ATP2C1: variants seen among roughly 807,000 people sequenced by gnomAD.
The protein encoded by ATP2C1 is calcium-transporting ATPase type 2C member 1.
Under a neutral mutation model 120.5 loss-of-function variants are expected in ATP2C1, and 31 were observed. That is an observed-to-expected ratio of 0.26 (90% CI 0.19 to 0.35). ATP2C1 has a LOEUF of 0.35. Ranked by LOEUF, ATP2C1 falls within the 10% of genes least tolerant of loss-of-function variation. The pLI is 1.00. For missense variants in ATP2C1, 731 were observed against 1,107.5 expected, an observed-to-expected ratio of 0.66 and a Z score of 4.83; for synonymous variants, 351 against 358.7, an observed-to-expected ratio of 0.98 and a Z score of 0.24.
chr3:130,968,600 C>T (rs749438522), intron 16 of ATP2C1, among the ~76,000 whole-genome samples: 5 of 152,048 alleles, frequency 3.3e-5, no homozygotes, highest in African/African-American at 4.8e-5. Flanking sequence ...TGAAATGAAA[C>T]GTATTTGCAC....
chr3:130,987,755 T>A (rs1280857071), intron 20 of ATP2C1, among the ~76,000 whole-genome samples: 1 of 152,260 alleles, frequency 6.6e-6, no homozygotes, highest in Non-Finnish European at 1.5e-5. Flanking sequence ...TCATATTAAT[T>A]GTGCCCCTCA....
intron 17 of ATP2C1, among the ~76,000 whole-genome samples, chr3:130,973,280 G>C (rs1264539697): frequency 6.6e-6 from 1 of 152,148 alleles, no homozygotes; most frequent in African/African-American, 2.4e-5. Context: ...GCAGAGTGGG[G>C]TGAGGGATAA....
Position 130,979,277 on chromosome 3 carries a change from G to A in ATP2C1, c.1599G>A (p.Leu533=). The change falls in exon 19 of 28, where the codon CTG becomes CTA. Residue 533 remains leucine (L), a synonymous_variant. Transcript: ENST00000510168. ...RVLALASGPE[L]GQLTFLGLVG... ...TTGCTTTGGCTTCTGGTCCTGAACT[G>A]GGACAGCTGACATTTCTTGGCTTGG... 1 of 1,613,550 alleles carries A rather than the reference G, an allele frequency of 6.2e-7. No homozygotes were observed.
rs80130362 is a variant in ATP2C1 at position 130,936,382 on chromosome 3, C to T, written c.325-1046C>T. ...AAATGCAAGATAGGTCAATGGATTT[C>T]GATATAATAGATTATGAAAGGTGCA... On this transcript the variant is annotated intron_variant, in intron 5 of 27. Coordinates refer to ENST00000510168, the MANE Select transcript of ATP2C1 (RefSeq NM_001378687.1). Among the ~76,000 whole-genome samples the T allele has an allele frequency of 6.0e-3, 908 of 152,014 alleles. 8 individuals carry two copies. The highest frequency in any genetic ancestry group is 0.015 in the African/African-American group (603 of 41,446).
At position 131,001,691 on chromosome 3, in the gene ATP2C1, A is replaced by AT. The variant is rs200037424; in HGVS notation, c.*350dup. On this transcript the variant is annotated 3_prime_UTR_variant, in exon 28 of 28. Coordinates refer to ENST00000510168, the MANE Select transcript of ATP2C1 (RefSeq NM_001378687.1). Reference sequence around the variant, plus strand: ...TACACTATCTATCTTAGATAGATATATTTTTTTTTATTTTTAAATATTGTA... The same window carrying AT: ...TACACTATCTATCTTAGATAGATATATTTTTTTTTTATTTTTAAATATTGTA... 211 of 956,290 alleles carry AT rather than the reference A, an allele frequency of 2.2e-4. No individual in the cohort carries two copies. The highest frequency in any genetic ancestry group is 2.4e-4 in the Non-Finnish European group (195 of 803,012). 59.2% of individuals were successfully genotyped at this position (956,290 alleles called of 1,614,324 possible).
chr3:130,981,696 T>C (rs1427150440), intron 20 of ATP2C1, among the ~76,000 whole-genome samples: 2 of 152,178 alleles, frequency 1.3e-5, no homozygotes, highest in Non-Finnish European at 2.9e-5. Context: ...GAACTTCTAA[T>C]AGTCCTGCAT....
intron 26 of ATP2C1, chr3:131,016,063 T>G: frequency 6.6e-7 from 1 of 1,505,864 alleles, no homozygotes; most frequent in South Asian, 1.2e-5. Flanking sequence ...TTAAGTAACT[T>G]TGTTGCTTTA....
rs1267609436 is a variant in ATP2C1, at chr3:130,997,646, C to G, written c.2284C>G (p.Pro762Ala). 6.2e-7 allele frequency: 1 copy of G among 1,613,528 alleles called. No individual in the cohort carries two copies. The highest frequency in any genetic ancestry group is 8.5e-7 in the Non-Finnish European group (1 of 1,179,722). ...EPVDKDVIRK[P>A]PRNWKDSILT... ...AGTGGATAAAGATGTCATTCGTAAA[C>G]CTCCTCGCAACTGGAAAGACAGCAT... Residue 762 changes from proline to alanine, a missense_variant, in exon 25 of 28, where the codon CCT becomes GCT. Pro to Ala is a conservative substitution (Grantham distance 27). Transcript: ENST00000510168.
chr3:131,016,673 T>A (rs2063644807), exon 27 of ATP2C1: 1 of 343,726 alleles, frequency 2.9e-6, no homozygotes, highest in Non-Finnish European at 5.5e-6. Flanking sequence ...TACAAATGAC[T>A]ATTAAATATT....
upstream of ATP2C1, among the ~76,000 whole-genome samples, chr3:130,890,143 G>A (rs149841699): frequency 6.4e-4 from 97 of 152,244 alleles, 1 homozygote; most frequent in East Asian, 0.018. Context: ...TGGGGCCAGA[G>A]GTGAATTATG....
chr3:130,935,950 A>G (rs1021942704), intron 5 of ATP2C1, among the ~76,000 whole-genome samples: 9 of 152,210 alleles, frequency 5.9e-5, no homozygotes, highest in Non-Finnish European at 7.3e-5. Flanking sequence ...CTTGTACTTG[A>G]AAGACTGACT....
chr3:130,996,831 A>T, intron 24 of ATP2C1, 35 bp downstream of exon 24: 1 of 1,370,914 alleles, frequency 7.3e-7, no homozygotes, highest in Non-Finnish European at 1.0e-6. Flanking sequence ...CTGGAAAGAC[A>T]AGGAATGTGT....
chr3:130,928,851 C>T (rs2059331148), intron 2 of ATP2C1, among the ~76,000 whole-genome samples: 1 of 152,162 alleles, frequency 6.6e-6, no homozygotes, highest in South Asian at 2.1e-4. Context: ...TATGATCTCA[C>T]AAGATGAAAT....
intron 2 of ATP2C1, among the ~76,000 whole-genome samples, chr3:130,909,856 A>ATATATT (rs921087307): frequency 5.3e-5 from 8 of 151,506 alleles, no homozygotes; most frequent in South Asian, 2.1e-4. Context: ...GGTTTTATAT[A>ATATATT]TATATTTATA....
At chr3:130,951,016 A>G (rs1159433482) in intron 8 of ATP2C1, among the ~76,000 whole-genome samples, 1 of 152,188 alleles carries the variant, frequency 6.6e-6, no homozygotes, top group Non-Finnish European at 1.5e-5. Context: ...AATTTCTACA[A>G]GTATTTTTAA....
chr3:130,952,547 A>C (rs182513325), intron 8 of ATP2C1, among the ~76,000 whole-genome samples: 38 of 152,324 alleles, frequency 2.5e-4, no homozygotes, highest in African/African-American at 8.4e-4. Flanking sequence ...ACATAGTGTG[A>C]ACTGAGAGTT....
intron 23 of ATP2C1, among the ~76,000 whole-genome samples, 195 bp from the exon 24 acceptor site, chr3:130,996,485 G>A (rs888222759): frequency 6.6e-6 from 1 of 152,096 alleles, no homozygotes; most frequent in Non-Finnish European, 1.5e-5. Context: ...TGTTCCTGTT[G>A]TCTAAACATC....
chr3:131,002,323 C>A lies in ATP2C1; in HGVS notation c.*973C>A. 1.0e-6 allele frequency: 1 copy of A among 984,318 alleles called. No homozygotes were observed. The highest frequency in any genetic ancestry group is 1.2e-6 in the Non-Finnish European group (1 of 828,964). 61.0% of individuals were successfully genotyped at this position (984,318 alleles called of 1,614,324 possible). Reference sequence around the variant, plus strand: ...AATCATATTTCTTAGGAAGTATAGGCTACTGGACTTAGAATAAAAAGTCCC... The same window carrying A: ...AATCATATTTCTTAGGAAGTATAGGATACTGGACTTAGAATAAAAAGTCCC... On this transcript the variant is annotated 3_prime_UTR_variant, in exon 28 of 28. Coordinates refer to ENST00000510168, the MANE Select transcript of ATP2C1 (RefSeq NM_001378687.1).
intron 2 of ATP2C1, among the ~76,000 whole-genome samples, chr3:130,900,352 G>A (rs567239409): frequency 2.0e-5 from 3 of 152,060 alleles, no homozygotes; most frequent in African/African-American, 7.2e-5. Flanking sequence ...ATGAGCCACC[G>A]TGCCCAGCTT....
Sources: gnomAD v4.1 joint callset for allele counts (sites outside exome capture counted in the v4.1 genomes callset) on GRCh38, gnomAD v4.1.1 for gene constraint, MANE v1.5 for transcripts, NCBI Gene and HGNC (gene_info 2026-07-23, HGNC 2026-07-21) for gene names.